PRELID2: variants seen among roughly 807,000 people sequenced by gnomAD.
PRELID2 encodes PRELI domain containing 2, also known as PRELI domain-containing protein 2.
A neutral mutation model predicts 28.4 loss-of-function variants in PRELID2; 25 were observed. That is an observed-to-expected ratio of 0.88 (90% CI 0.64 to 1.23). The LOEUF is 1.23. Ranked by LOEUF, PRELID2 falls within the 50% of genes most tolerant of loss-of-function variation. PRELID2 has a pLI of 0.00. For missense variants in PRELID2, 201 were observed against 214.4 expected, an observed-to-expected ratio of 0.94 and a Z score of 0.39; for synonymous variants, 76 against 71.6, an observed-to-expected ratio of 1.06 and a Z score of -0.31.
the PRELID2 span, among the ~76,000 whole-genome samples, chr5:145,289,604 T>G: frequency 6.6e-6 from 1 of 152,204 alleles, no homozygotes; most frequent in Non-Finnish European, 1.5e-5. Context: ...AAGTTAGTTG[T>G]GCAAATACCT....
At chr5:145,794,152 G>A (rs1312779047) in intron 5 of PRELID2, among the ~76,000 whole-genome samples, 1 of 152,166 alleles carries the variant, frequency 6.6e-6, no homozygotes, top group Non-Finnish European at 1.5e-5. Context: ...AGCCTGGGGA[G>A]CAGAGAAAAC....
At chr5:145,671,194 G>A (rs902563083) in intron 1 of PRELID2, among the ~76,000 whole-genome samples, 13 of 152,124 alleles carry the variant, frequency 8.5e-5, no homozygotes, top group Admixed American at 5.9e-4. Context: ...AATGAATTAA[G>A]GAAAAGGGGG....
chr5:145,508,808 G>A (rs1752436980), intron 1 of PRELID2, among the ~76,000 whole-genome samples: 2 of 152,150 alleles, frequency 1.3e-5, no homozygotes, highest in African/African-American at 2.4e-5. Context: ...GGCTTGAGGG[G>A]TGGGAACAGA....
At chr5:145,413,217 T>TA in the PRELID2 span, among the ~76,000 whole-genome samples, 1 of 151,584 alleles carries the variant, frequency 6.6e-6, no homozygotes, top group African/African-American at 2.4e-5. Context: ...GATGTACAAA[T>TA]AAAAAAATAT....
At chr5:145,315,717 A>G in the PRELID2 span, among the ~76,000 whole-genome samples, 3 of 152,184 alleles carry the variant, frequency 2.0e-5, no homozygotes, top group African/African-American at 7.2e-5. Flanking sequence ...AATGAAAAAT[A>G]GTAAAGTATG....
chr5:145,615,163 C>T (rs1205180229), intron 1 of PRELID2, among the ~76,000 whole-genome samples: 1 of 152,064 alleles, frequency 6.6e-6, no homozygotes, highest in Non-Finnish European at 1.5e-5. Flanking sequence ...TAAAATGTCC[C>T]TCTTTGTCTC....
At chr5:145,386,704 C>G in the PRELID2 span, among the ~76,000 whole-genome samples, 1 of 152,106 alleles carries the variant, frequency 6.6e-6, no homozygotes, top group Non-Finnish European at 1.5e-5. Flanking sequence ...GTTTACATAT[C>G]CTACCACAGG....
Position 145,640,316 on chromosome 5 carries a change from A to C in PRELID2, n.70+124615T>G, listed in dbSNP as rs552902012. ...GGTGAAACCCCGTCTCTACTAAAAAAATACAAAAAATTAGCCGGGCGTGGT... is the reference window on the plus strand; with the variant it reads ...GGTGAAACCCCGTCTCTACTAAAAACATACAAAAAATTAGCCGGGCGTGGT... On this transcript the variant is annotated intron_variant and non_coding_transcript_variant, in intron 1 of 2. Coordinates refer to the PRELID2 transcript ENST00000510259. Among the ~76,000 whole-genome samples the C allele has an allele frequency of 7.7e-4, 116 of 151,456 alleles. 1 individual carries two copies. Among genetic ancestry groups the C allele is most frequent in the African/African-American group, 2.8e-3 (113 of 40,808 alleles).
downstream of PRELID2, among the ~76,000 whole-genome samples, chr5:145,469,758 C>G (rs765116947): frequency 1.3e-5 from 2 of 152,038 alleles, no homozygotes; most frequent in African/African-American, 2.4e-5. Context: ...CAACCTCTGG[C>G]TCGATCAAAG....
At chr5:145,425,147 C>A in the PRELID2 span, among the ~76,000 whole-genome samples, 2 of 151,630 alleles carry the variant, frequency 1.3e-5, no homozygotes, top group Non-Finnish European at 2.9e-5. Context: ...GGCCAAGAAA[C>A]ATGAAAAAAT....
chr5:145,712,574 G>C (rs1215518096), intron 1 of PRELID2, among the ~76,000 whole-genome samples: 1 of 152,090 alleles, frequency 6.6e-6, no homozygotes, highest in Non-Finnish European at 1.5e-5. Context: ...CCTTTTTTAA[G>C]GATAAATAGC....
intron 1 of PRELID2, among the ~76,000 whole-genome samples, chr5:145,529,437 T>C (rs1752637260): frequency 6.6e-6 from 1 of 151,926 alleles, no homozygotes; most frequent in African/African-American, 2.4e-5. Flanking sequence ...TGGGCCACAA[T>C]TATGAATCTG....
At chr5:145,763,833 T>G (rs1225148792) in intron 6 of PRELID2, among the ~76,000 whole-genome samples, 1 of 152,090 alleles carries the variant, frequency 6.6e-6, no homozygotes, top group East Asian at 1.9e-4. Context: ...ATCCTAGCAC[T>G]TTGGGAGGCT....
intron 1 of PRELID2, among the ~76,000 whole-genome samples, chr5:145,595,717 G>T (rs2149634109): frequency 6.6e-6 from 1 of 152,218 alleles, no homozygotes; most frequent in South Asian, 2.1e-4. Flanking sequence ...CAAAGTCTGT[G>T]CCCTCCCTAA....
chr5:145,299,840 A>T, the PRELID2 span, among the ~76,000 whole-genome samples: 1 of 152,174 alleles, frequency 6.6e-6, no homozygotes, highest in Middle Eastern at 3.4e-3. Context: ...ATCCTTCTAT[A>T]AAGAGAAAGG....
At chr5:145,778,353 G>A (rs577446545) in intron 5 of PRELID2, among the ~76,000 whole-genome samples, 2 of 152,258 alleles carry the variant, frequency 1.3e-5, no homozygotes, top group East Asian at 1.9e-4. Flanking sequence ...TCACTCCAGG[G>A]TCTCCTCTCT....
At chr5:145,324,934 T>C in the PRELID2 span, among the ~76,000 whole-genome samples, 1 of 152,160 alleles carries the variant, frequency 6.6e-6, no homozygotes, top group South Asian at 2.1e-4. Context: ...TTTCATTCAA[T>C]ACACTGAGAC....
At chr5:145,368,314 A>T in the PRELID2 span, among the ~76,000 whole-genome samples, 1 of 151,972 alleles carries the variant, frequency 6.6e-6, no homozygotes, top group South Asian at 2.1e-4. Flanking sequence ...GGTTGGCTGA[A>T]AAAAAGGGAG....
the PRELID2 span, among the ~76,000 whole-genome samples, chr5:145,288,861 C>A: frequency 6.6e-6 from 1 of 152,066 alleles, no homozygotes; most frequent in Non-Finnish European, 1.5e-5. Context: ...ACCTGGCTTG[C>A]ACCATTTGCT....
Sources: gnomAD v4.1 joint callset for allele counts (sites outside exome capture counted in the v4.1 genomes callset) on GRCh38, gnomAD v4.1.1 for gene constraint, MANE v1.5 for transcripts, NCBI Gene and HGNC (gene_info 2026-07-23, HGNC 2026-07-21) for gene names.